BHLHE41: variants seen among roughly 807,000 people sequenced by gnomAD.
The protein encoded by BHLHE41 is class E basic helix-loop-helix protein 41.
In BHLHE41, 14 loss-of-function variants were observed where a neutral mutation model predicts 24.0. That is an observed-to-expected ratio of 0.58 (90% CI 0.39 to 0.91). The LOEUF is 0.91. Among genes scored for constraint, BHLHE41 ranks in the 40% least tolerant of loss-of-function variants. BHLHE41 has a pLI of 0.00. For missense variants in BHLHE41, 674 were observed against 655.4 expected, an observed-to-expected ratio of 1.03 and a Z score of -0.31; for synonymous variants, 394 against 315.5, an observed-to-expected ratio of 1.25 and a Z score of -2.64.
chr12:26,124,378 T>C, intron 2 of BHLHE41, 141 bp downstream of exon 2: 1 of 940,926 alleles, frequency 1.1e-6, no homozygotes, highest in Non-Finnish European at 1.7e-6. Flanking sequence ...CCCCTGAGAG[T>C]ACCCAGCAAG....
Position 26,123,163 on chromosome 12 carries a change from G to C in BHLHE41, c.352C>G (p.Arg118Gly). 6.3e-7 allele frequency: 1 copy of C among 1,590,024 alleles called. No homozygotes were observed. The highest frequency in any genetic ancestry group is 8.6e-7 in the Non-Finnish European group (1 of 1,164,364). Reference protein sequence around the residue: ...QKIIALQNGERSLKSPIQSDL... With the variant: ...QKIIALQNGEGSLKSPIQSDL... ...GACTGAATGGGCGATTTCAGAGATCGCTCCCCTAGGATGAGGAAGGGATGG... is the reference window on the plus strand; with the variant it reads ...GACTGAATGGGCGATTTCAGAGATCCCTCCCCTAGGATGAGGAAGGGATGG... Residue 118 changes from arginine (R) to glycine (G), a missense_variant, in exon 5 of 5, where the codon CGA (arginine) becomes GGA (glycine). This residue lies in a region of BHLHE41 where 602 missense variants were observed against 570.8 expected (regional missense o/e 1.05). Transcript: ENST00000242728.
In BHLHE41 at chr12:26,122,211, G is replaced by C; in HGVS notation, c.1304C>G (p.Pro435Arg). Residue 435 changes from proline (P) to arginine (R), a missense_variant, in exon 5 of 5, where the codon CCG becomes CGG. Pro to Arg is a moderately radical substitution (Grantham distance 103). Transcript: ENST00000242728. Reference sequence around the variant, plus strand: ...CGCCCCAAGGGGCGCCACCTCGTGCGGCAGGAGGGTCGCGGCGGCGGCGCC... The same window carrying C: ...CGCCCCAAGGGGCGCCACCTCGTGCCGCAGGAGGGTCGCGGCGGCGGCGCC... ...KAGAAAATLL[P>R]HEVAPLGAPH... 1 of 1,335,988 alleles carries C rather than the reference G, an allele frequency of 7.5e-7. No individual in the cohort carries two copies. The highest frequency in any genetic ancestry group is 9.6e-7 in the Non-Finnish European group (1 of 1,045,100). The allele number at this position is 1,335,988 out of a possible 1,614,324, so 82.8% of individuals were successfully genotyped here.
At position 26,121,976 on chromosome 12, in the gene BHLHE41, G is replaced by A. The variant is rs771600260; in HGVS notation, c.*90C>T. ...ACTTCCTCCCTTAAAGACCTTAAGG[G>A]TATTTTAACTTCTCACTCTGCTTGA... On this transcript the variant is annotated 3_prime_UTR_variant, in exon 5 of 5. Coordinates refer to ENST00000242728, the MANE Select transcript of BHLHE41 (RefSeq NM_030762.3). 1.9e-6 allele frequency: 3 copies of A among 1,539,726 alleles called. No individual in the cohort carries two copies. In the South Asian group the frequency reaches 3.6e-5, roughly 18 times the overall value.
At chr12:26,123,607 C>T in intron 4 of BHLHE41, 23 bp downstream of exon 4, 1 of 1,551,848 alleles carries the variant, frequency 6.4e-7, no homozygotes, top group Non-Finnish European at 8.9e-7. Flanking sequence ...TCAGGGTAGG[C>T]TGGCCTCCCT....
At chr12:26,124,039 G>GA (rs1233231832) in intron 3 of BHLHE41, 33 bp downstream of exon 3, 1 of 1,392,002 alleles carries the variant, frequency 7.2e-7, no homozygotes, top group Non-Finnish European at 1.0e-6. Flanking sequence ...CACGCCCTTG[G>GA]AGAGCAGCAA....
In BHLHE41 at chr12:26,123,097, T is replaced by G. The variant is rs540129274; in HGVS notation, c.418A>C (p.Lys140Gln). The change falls in exon 5 of 5, where the codon AAA becomes CAA. Residue 140 changes from lysine (K) to glutamine (Q), a missense_variant. Lys to Gln is a moderately conservative substitution (Grantham distance 53). Transcript: ENST00000242728. Reference sequence around the variant, plus strand: ...CGGGAGAGGTATTGCAAGACTTCTTTGGCGCATGTTTGAAATCCCGAGTGG... The same window carrying G: ...CGGGAGAGGTATTGCAAGACTTCTTGGGCGCATGTTTGAAATCCCGAGTGG... ...AFHSGFQTCA[K>Q]EVLQYLSRFE... 1 of 1,607,998 alleles carries G rather than the reference T, an allele frequency of 6.2e-7. No individual in the cohort carries two copies. The highest frequency in any genetic ancestry group is 1.1e-5 in the South Asian group (1 of 89,494).
chr12:26,122,828 C>G lies in BHLHE41; in HGVS notation c.687G>C (p.Glu229Asp), dbSNP rs1397683588. ...TGTCCGTGTCGTTCTCGGCGGCGAGCTCGGCGCTGGGCTGAGTCCGCTGGA... is the reference window on the plus strand; with the variant it reads ...TGTCCGTGTCGTTCTCGGCGGCGAGGTCGGCGCTGGGCTGAGTCCGCTGGA... ...PVIQRTQPSA[E>D]LAAENDTDTD... Residue 229 changes from glutamate to aspartate, a missense_variant, in exon 5 of 5, where the codon GAG becomes GAC. By Grantham distance (45) the Glu-to-Asp change is conservative. Around this residue, in one of 3 missense-constraint regions of BHLHE41, gnomAD observed 602 missense variants for 570.8 expected, o/e 1.05. Transcript: ENST00000242728. The G allele has an allele frequency of 1.3e-6, 2 of 1,584,048 alleles. No individual in the cohort carries two copies. The highest frequency in any genetic ancestry group is 1.7e-6 in the Non-Finnish European group (2 of 1,169,212).
chr12:26,123,656 T>C lies in BHLHE41; in HGVS notation c.320A>G (p.His107Arg). 6.2e-7 allele frequency: 1 copy of C among 1,613,814 alleles called. No homozygotes were observed. Among genetic ancestry groups the C allele is most frequent in the Non-Finnish European group, 8.5e-7 (1 of 1,179,650 alleles). Residue 107 changes from histidine (H) to arginine (R), a missense_variant, in exon 4 of 5, where the codon CAT becomes CGT. By Grantham distance (29) the His-to-Arg change is conservative. Transcript: ENST00000242728. Reference sequence around the variant, plus strand: ...ATTCTGTAAAGCAATTATCTTCTGATGCTGTTGCTCGGTTAAGGCGGTTAA... The same window carrying C: ...ATTCTGTAAAGCAATTATCTTCTGACGCTGTTGCTCGGTTAAGGCGGTTAA... ...KALTALTEQQHQKIIALQNGE... is the reference protein window; with the variant it reads ...KALTALTEQQRQKIIALQNGE...
intron 3 of BHLHE41, 126 bp downstream of exon 3, chr12:26,123,946 G>A (rs1420356694): frequency 1.2e-6 from 1 of 800,754 alleles, no homozygotes; most frequent in East Asian, 2.6e-5. Context: ...GGGAAACTCT[G>A]TACGGTATAG....
Position 26,124,973 on chromosome 12 carries a change from C to T in BHLHE41, c.-194G>A, listed in dbSNP as rs1944351285. 1.5e-6 allele frequency: 1 copy of T among 663,546 alleles called. No individual in the cohort carries two copies. Among genetic ancestry groups the T allele is most frequent in the Non-Finnish European group, 2.7e-6 (1 of 366,234 alleles). 41.1% of individuals were successfully genotyped at this position (663,546 alleles called of 1,614,324 possible). On this transcript the variant is annotated 5_prime_UTR_variant, in exon 1 of 5. It adds an upstream start codon to the 5' untranslated region. Transcript: ENST00000242728. ...CACCGCGCTCGCACACACACACGCA[C>T]ACACACGCACACTCGCGCCGGCCCC... is the stretch of plus-strand genomic sequence containing the variant.
intron 2 of BHLHE41, 57 bp from the exon 3 acceptor site, chr12:26,124,236 G>T: frequency 1.7e-6 from 2 of 1,159,622 alleles, no homozygotes; most frequent in Non-Finnish European, 1.3e-6. Context: ...TTCACTTATT[G>T]GATATTACCC....
chr12:26,124,040 A>G (rs765511964), intron 3 of BHLHE41, 32 bp downstream of exon 3: 3 of 1,392,776 alleles, frequency 2.2e-6, no homozygotes, highest in African/African-American at 2.8e-5. Context: ...ACGCCCTTGG[A>G]GAGCAGCAAA....
intron 4 of BHLHE41, 108 bp from the exon 5 acceptor site, chr12:26,123,276 G>A: frequency 7.3e-7 from 1 of 1,377,390 alleles, no homozygotes; most frequent in Non-Finnish European, 9.7e-7. Flanking sequence ...CGACTAAAGT[G>A]ATCTCGGTTT....
chr12:26,124,876 G>C lies in BHLHE41; in HGVS notation c.-97C>G. 1 of 1,175,192 alleles carries C rather than the reference G, an allele frequency of 8.5e-7. No individual in the cohort carries two copies. Among genetic ancestry groups the C allele is most frequent in the Non-Finnish European group, 1.3e-6 (1 of 787,006 alleles). 72.8% of individuals were successfully genotyped at this position (1,175,192 alleles called of 1,614,324 possible). A position where few individuals can be genotyped will look rare whatever the true frequency, so the allele number is the denominator to read the frequency against. Reference sequence around the variant, plus strand: ...TGGGAGACCTTGGGGGGATCTGTGCGTCTCCAGTCTCTCTCTCGCTCTCCC... The same window carrying C: ...TGGGAGACCTTGGGGGGATCTGTGCCTCTCCAGTCTCTCTCTCGCTCTCCC... On this transcript the variant is annotated 5_prime_UTR_variant, in exon 1 of 5. Transcript: ENST00000242728.
rs867494245 is a variant in BHLHE41 at position 26,122,968 on chromosome 12, G to C, written c.547C>G (p.Gln183Glu). The change falls in exon 5 of 5, where the codon CAG becomes GAG. Residue 183 changes from glutamine (Q) to glutamate (E), a missense_variant. Gln to Glu is a conservative substitution (Grantham distance 29). Transcript: ENST00000242728. ...FLPTPQLLTQ[Q>E]VPLSKGTGAP... ...CCGGTGCCTTTGCTCAGAGGGACCT[G>C]TTGAGTCAACAGCTGCGGGGTGGGC... 2 of 1,562,382 alleles carry C rather than the reference G, an allele frequency of 1.3e-6. No individual in the cohort carries two copies. The highest frequency in any genetic ancestry group is 2.4e-5 in the South Asian group (2 of 84,914).
In BHLHE41 at chr12:26,122,025, T is replaced by G; in HGVS notation, c.*41A>C. On this transcript the variant is annotated 3_prime_UTR_variant, in exon 5 of 5. Coordinates refer to ENST00000242728, the MANE Select transcript of BHLHE41 (RefSeq NM_030762.3). ...GAACCTCCTTAAGGGTATTTTAACT[T>G]CTCACTCTGCTTGAACCTCCGTCCT... 6.5e-7 allele frequency: 1 copy of G among 1,547,562 alleles called. No homozygotes were observed. The highest frequency in any genetic ancestry group is 8.7e-7 in the Non-Finnish European group (1 of 1,145,270).
At chr12:26,123,204 G>T in intron 4 of BHLHE41, 36 bp from the exon 5 acceptor site, 1 of 1,544,322 alleles carries the variant, frequency 6.5e-7, no homozygotes, top group Non-Finnish European at 8.7e-7. Context: ...GGGGACGGAG[G>T]AGTGGAGGCA....
chr12:26,122,634 C>T lies in BHLHE41; in HGVS notation c.881G>A (p.Gly294Glu), dbSNP rs745541908. The change falls in exon 5 of 5, where the codon GGG becomes GAG. Residue 294 changes from glycine to glutamate, a missense_variant. Coordinates refer to ENST00000242728, the MANE Select transcript of BHLHE41 (RefSeq NM_030762.3). ...SRGGGSGGGPGGGAAAAAAAL... is the reference protein window; with the variant it reads ...SRGGGSGGGPEGGAAAAAAAL... The stretch of plus-strand genomic sequence containing the variant: ...GGCTGCCGCCGCCGCCGCGCCGCCC[C>T]CCGGGCCGCCGCCGCTGCCGCCGCC... The T allele has an allele frequency of 3.9e-5, 50 of 1,278,144 alleles. No individual in the cohort carries two copies. The highest frequency in any genetic ancestry group is 4.6e-5 in the Non-Finnish European group (46 of 1,010,174). The allele number at this position is 1,278,144 out of a possible 1,614,324, so 79.2% of individuals were successfully genotyped here. A position where few individuals can be genotyped will look rare whatever the true frequency, so the allele number is the denominator to read the frequency against.
chr12:26,123,916 G>T, intron 3 of BHLHE41, 156 bp downstream of exon 3: 1 of 740,808 alleles, frequency 1.3e-6, no homozygotes, highest in South Asian at 1.5e-5. Context: ...CTTCAGCTGG[G>T]AGCACCTACT....
Sources: gnomAD v4.1 joint callset for allele counts on GRCh38, gnomAD v4.1.1 for gene constraint, gnomAD v4.1.1 regional missense constraint, MANE v1.5 for transcripts, NCBI Gene and HGNC (gene_info 2026-07-23, HGNC 2026-07-21) for gene names.